The following DHRSX variants were observed in gnomAD, a reference collection of about 807,000 sequenced individuals.
DHRSX encodes the protein polyprenol dehydrogenase.
DHRSX carries 31 observed loss-of-function variants against 34.0 expected under a neutral mutation model. The observed-to-expected ratio is 0.91, with a 90% CI of 0.69 to 1.23. DHRSX has a LOEUF of 1.23. Ranked by LOEUF, DHRSX falls within the 50% of genes most tolerant of loss-of-function variation. The pLI, the probability that DHRSX is intolerant of heterozygous loss-of-function variation, is 0.00. For synonymous variants in DHRSX, 201 were observed against 183.8 expected (o/e 1.09, Z -0.76); for missense variants, 414 against 428.1 (o/e 0.97, Z 0.29).
At chrX:2,272,519 GT>G (rs1308446560) in intron 4 of DHRSX, among the ~76,000 whole-genome samples, 2 of 152,134 alleles carry the variant, frequency 1.3e-5, no homozygotes, top group Non-Finnish European at 2.9e-5. Flanking sequence ...TGCCACAGTG[GT>G]GTAAACACTG....
At chrX:2,364,867 T>A (rs73191303) in intron 3 of DHRSX, among the ~76,000 whole-genome samples, 44,122 of 152,078 alleles carry the variant, frequency 0.29, 8,303 homozygotes, top group Non-Finnish European at 0.44. Context: ...TTGATCACAA[T>A]CTATCATTGA....
At chrX:2,406,971 T>C (rs1282876444) in intron 3 of DHRSX, among the ~76,000 whole-genome samples, 16 of 152,324 alleles carry the variant, frequency 1.1e-4, no homozygotes, top group Middle Eastern at 6.8e-3. Context: ...CATTCCTATG[T>C]GCATTGCAGC....
At chrX:2,234,351 G>A (rs2015965642) in intron 6 of DHRSX, among the ~76,000 whole-genome samples, 1 of 149,742 alleles carries the variant, frequency 6.7e-6, no homozygotes, top group Non-Finnish European at 1.5e-5. Flanking sequence ...CCATGCACAT[G>A]CATTCAATAT....
chrX:2,482,768 G>A (rs1199537018), intron 1 of DHRSX, among the ~76,000 whole-genome samples: 1 of 152,086 alleles, frequency 6.6e-6, no homozygotes, highest in Non-Finnish European at 1.5e-5. Context: ...TGCCTTTCCA[G>A]TTAAACACAA....
intron 5 of DHRSX, among the ~76,000 whole-genome samples, chrX:2,262,229 A>G (rs1243224599): frequency 1.3e-5 from 2 of 152,328 alleles, no homozygotes. Context: ...ACAATCCTGC[A>G]GTGAGCCCTG....
intron 3 of DHRSX, among the ~76,000 whole-genome samples, chrX:2,327,102 C>G (rs1296279910): frequency 6.6e-6 from 1 of 152,184 alleles, no homozygotes; most frequent in Non-Finnish European, 1.5e-5. Context: ...CGTGAGCCAC[C>G]GTGCCCGACC....
intron 1 of DHRSX, among the ~76,000 whole-genome samples, chrX:2,476,832 G>A (rs1306172748): frequency 6.6e-6 from 1 of 151,892 alleles, no homozygotes; most frequent in Non-Finnish European, 1.5e-5. Context: ...GGAAAAACCC[G>A]TCTCTACTAA....
At chrX:2,432,006 C>G (rs771503704) in intron 1 of DHRSX, among the ~76,000 whole-genome samples, 5 of 152,198 alleles carry the variant, frequency 3.3e-5, no homozygotes, top group African/African-American at 1.2e-4. Context: ...GCCTGGCCAA[C>G]ATGGTGAAAC....
At chrX:2,401,439 T>C (rs1308947111) in intron 3 of DHRSX, among the ~76,000 whole-genome samples, 1 of 152,178 alleles carries the variant, frequency 6.6e-6, no homozygotes, top group Non-Finnish European at 1.5e-5. Flanking sequence ...GAAGATGCTG[T>C]TTGTGATTAA....
At chrX:2,454,199 T>G (rs1377988642) in intron 1 of DHRSX, among the ~76,000 whole-genome samples, 2 of 152,116 alleles carry the variant, frequency 1.3e-5, no homozygotes, top group Non-Finnish European at 2.9e-5. Context: ...GTTCCAAGTT[T>G]CCAAGGAAAG....
At chrX:2,230,174 C>T (rs1349805708) in intron 6 of DHRSX, among the ~76,000 whole-genome samples, 4 of 151,610 alleles carry the variant, frequency 2.6e-5, no homozygotes, top group East Asian at 2.0e-4. Context: ...GGTGCAGGTG[C>T]GCGCATGTGT....
rs1260204678 is a variant in DHRSX at position 2,220,758 on chromosome X, C to T, written c.*283G>A. 2.5e-5 allele frequency: 11 copies of T among 442,556 alleles called. No homozygotes were observed. The highest frequency in any genetic ancestry group is 1.8e-4 in the Admixed American group (5 of 27,724). The allele number at this position is 442,556 out of a possible 1,614,324, so 27.4% of individuals were successfully genotyped here. A position where few individuals can be genotyped will look rare whatever the true frequency, so the allele number is the denominator to read the frequency against. ...TATTAACGCGGCAAGGAAAATGGCA[C>T]ATTTATGTTGGAAAATGTAATTATT... On this transcript the variant is annotated 3_prime_UTR_variant, in exon 7 of 7. Transcript: ENST00000334651.
rs2016244428 is a variant in DHRSX at position 2,245,010 on chromosome X, T to A, written c.597-1780A>T. Among the ~76,000 whole-genome samples, 6 of 151,996 alleles carry A rather than the reference T, an allele frequency of 3.9e-5. No individual in the cohort carries two copies. In the Middle Eastern group the frequency reaches 0.01, roughly 260 times the overall value. On this transcript the variant is annotated intron_variant, in intron 5 of 6. Transcript: ENST00000334651. ...CAGGCATGAGCCACTGTGCCCGGCCTAATTTTCTGAATTAACCACATGGTA... is the reference window on the plus strand; with the variant it reads ...CAGGCATGAGCCACTGTGCCCGGCCAAATTTTCTGAATTAACCACATGGTA...
intron 1 of DHRSX, among the ~76,000 whole-genome samples, chrX:2,495,111 T>C (rs1197955246): frequency 1.3e-5 from 2 of 150,926 alleles, no homozygotes; most frequent in South Asian, 2.1e-4. Flanking sequence ...CAAAGGTTTA[T>C]ATTCTATCAT....
chrX:2,448,523 G>A (rs73632327), intron 1 of DHRSX, among the ~76,000 whole-genome samples: 88,609 of 143,256 alleles, frequency 0.62, 29,113 homozygotes, highest in African/African-American at 0.84. Context: ...AAGGTTATGT[G>A]AATATGTTAA....
chrX:2,345,939 C>T (rs183425863), intron 3 of DHRSX, among the ~76,000 whole-genome samples: 1 of 152,132 alleles, frequency 6.6e-6, no homozygotes, highest in Admixed American at 6.5e-5. Flanking sequence ...TGCTTTCTAT[C>T]AGTACACACA....
intron 3 of DHRSX, among the ~76,000 whole-genome samples, chrX:2,386,712 T>C (rs1339418208): frequency 1.3e-5 from 2 of 152,228 alleles, no homozygotes; most frequent in Admixed American, 1.3e-4. Flanking sequence ...AAGAATAAAT[T>C]ACTTTTTTTG....
chrX:2,269,662 G>C (rs1325578084), intron 4 of DHRSX, among the ~76,000 whole-genome samples: 1 of 152,032 alleles, frequency 6.6e-6, no homozygotes. Context: ...TTAGCCTCCC[G>C]AGTAGCTGGG....
chrX:2,365,182 T>C (rs976794948), intron 3 of DHRSX, among the ~76,000 whole-genome samples: 65 of 151,998 alleles, frequency 4.3e-4, no homozygotes, highest in Non-Finnish European at 1.3e-4. Context: ...TGGGAGAAAA[T>C]TTTTGCAATC....
Sources: gnomAD v4.1 joint callset for allele counts (sites outside exome capture counted in the v4.1 genomes callset) on GRCh38, gnomAD v4.1.1 for gene constraint, MANE v1.5 for transcripts, NCBI Gene and HGNC (gene_info 2026-07-23, HGNC 2026-07-21) for gene names.